PLA2G6: variants seen among roughly 807,000 people sequenced by gnomAD.
PLA2G6 encodes phospholipase A2 group VI, also known as 85/88 kDa calcium-independent phospholipase A2.
PLA2G6 carries 62 observed loss-of-function variants against 83.8 expected under a neutral mutation model. That is an observed-to-expected ratio of 0.74 (90% CI 0.60 to 0.91). PLA2G6 has a LOEUF of 0.91. Ranked by LOEUF, PLA2G6 falls within the 40% of genes least tolerant of loss-of-function variation. The pLI is 0.00. For synonymous variants in PLA2G6, 417 were observed against 449.8 expected (o/e 0.93, Z 0.92); for missense variants, 944 against 1,102.0 (o/e 0.86, Z 2.03).
chr22:38,122,154 T>C (rs2087562681), intron 11 of PLA2G6, among the ~76,000 whole-genome samples: 1 of 151,982 alleles, frequency 6.6e-6, no homozygotes, highest in Admixed American at 6.6e-5. Flanking sequence ...CAGCTCTGCA[T>C]CCCCAGCATC....
At position 38,132,184 on chromosome 22, in the gene PLA2G6, T is replaced by C. The variant is rs969243866; in HGVS notation, c.1077+647A>G. The stretch of plus-strand genomic sequence containing the variant: ...ACGTCCTCCTCTGCTAGGTTTAATA[T>C]GTTCATACTCTAGATGTGTAACCAG... On this transcript the variant is annotated intron_variant, in intron 7 of 16. Coordinates refer to ENST00000332509, the MANE Select transcript of PLA2G6 (RefSeq NM_003560.4). The surrounding 1 kb of genome is among the most constrained non-coding windows in gnomAD (Gnocchi z 5.0). The C allele has an allele frequency of 6.7e-6, 3 of 447,350 alleles. No individual in the cohort carries two copies. Among genetic ancestry groups the C allele is most frequent in the African/African-American group, 2.0e-5 (1 of 49,736 alleles). 27.7% of individuals were successfully genotyped at this position (447,350 alleles called of 1,614,324 possible). A position where few individuals can be genotyped will look rare whatever the true frequency, so the allele number is the denominator to read the frequency against.
In PLA2G6 at chr22:38,112,496, GC is replaced by G; in HGVS notation, c.2276+7del. On this transcript the variant is annotated splice_region_variant and intron_variant, in intron 16 of 16. Transcript: ENST00000332509. ...CGGGGCCAAGGGCTGGGGCGGCTGA[GC>G]CCTCACCTGAAGTACTGGATGCCGA... 6.4e-7 allele frequency: 1 copy of G among 1,552,016 alleles called. No individual in the cohort carries two copies.
intron 2 of PLA2G6, among the ~76,000 whole-genome samples, chr22:38,158,758 T>A (rs2089894331): frequency 6.6e-6 from 1 of 152,240 alleles, no homozygotes; most frequent in South Asian, 2.1e-4. Context: ...AACTGTTTTA[T>A]ATATGTTCCA....
chr22:38,139,478 A>G (rs1057188060), intron 5 of PLA2G6: 1 of 142,908 alleles, frequency 7.0e-6, no homozygotes, highest in African/African-American at 2.5e-5. Context: ...CTTATTGCCC[A>G]GGCTGGAGTG....
Position 38,111,928 on chromosome 22 carries a change from G to A in PLA2G6, c.*233C>T, listed in dbSNP as rs2086889343. On this transcript the variant is annotated 3_prime_UTR_variant, in exon 17 of 17. Transcript: ENST00000332509. ...TTGACAGTCAGGGAAAGGGGCCAAA[G>A]GGGGCTCTAGACTTTCCCAGCCTGG... 1 of 589,794 alleles carries A rather than the reference G, an allele frequency of 1.7e-6. No individual in the cohort carries two copies. Among genetic ancestry groups the A allele is most frequent in the Non-Finnish European group, 3.0e-6 (1 of 329,838 alleles). The allele number at this position is 589,794 out of a possible 1,614,324, so 36.5% of individuals were successfully genotyped here.
chr22:38,165,230 T>C (rs1326854720), intron 2 of PLA2G6, among the ~76,000 whole-genome samples: 1 of 152,216 alleles, frequency 6.6e-6, no homozygotes, highest in Non-Finnish European at 1.5e-5. Flanking sequence ...ATCACATTCA[T>C]TTGTTCCACA....
chr22:38,118,231 G>C (rs970862762), intron 12 of PLA2G6, among the ~76,000 whole-genome samples: 1 of 152,186 alleles, frequency 6.6e-6, no homozygotes, highest in East Asian at 1.9e-4. Context: ...AACGTGGTCA[G>C]GCAGTGTTGA....
intron 1 of PLA2G6, among the ~76,000 whole-genome samples, chr22:38,174,895 C>T (rs553132633): frequency 6.6e-6 from 1 of 152,184 alleles, no homozygotes; most frequent in East Asian, 1.9e-4. Context: ...CAGGGAAGCT[C>T]CTCTCATGAC....
intron 12 of PLA2G6, among the ~76,000 whole-genome samples, chr22:38,118,029 C>G (rs912064797): frequency 7.3e-6 from 1 of 136,334 alleles, no homozygotes; most frequent in Non-Finnish European, 1.6e-5. Context: ...GAGCAAGACT[C>G]CATCTCAAAA....
chr22:38,133,243 T>C, intron 6 of PLA2G6: 1 of 590,458 alleles, frequency 1.7e-6, no homozygotes, highest in Non-Finnish European at 3.0e-6. Context: ...GTGCTGACTG[T>C]TTTAAGAGGC....
chr22:38,132,702 T>G lies in PLA2G6; in HGVS notation c.1077+129A>C. 1.2e-6 allele frequency: 1 copy of G among 867,860 alleles called. No homozygotes were observed. The highest frequency in any genetic ancestry group is 1.8e-6 in the Non-Finnish European group (1 of 558,652). The allele number at this position is 867,860 out of a possible 1,614,324, so 53.8% of individuals were successfully genotyped here. On this transcript the variant is annotated intron_variant, in intron 7 of 16. Coordinates refer to ENST00000332509, the MANE Select transcript of PLA2G6 (RefSeq NM_003560.4). The surrounding 1 kb of genome is among the most constrained non-coding windows in gnomAD (Gnocchi z 5.0). Reference sequence around the variant, plus strand: ...AGGAGTCAGGGTCTGAACTGAGCTTTGGGTGGGAAGATGATTTGGAGCAGC... The same window carrying G: ...AGGAGTCAGGGTCTGAACTGAGCTTGGGGTGGGAAGATGATTTGGAGCAGC...
chr22:38,117,804 G>A (rs1007961884), intron 12 of PLA2G6, among the ~76,000 whole-genome samples: 6 of 152,174 alleles, frequency 3.9e-5, no homozygotes, highest in African/African-American at 9.6e-5. Flanking sequence ...TTGGGAGGCC[G>A]AGGTGGGTGG....
rs121908681 is a variant in PLA2G6 at position 38,120,867 on chromosome 22, T to G, written c.1634A>C (p.Lys545Thr). The G allele has an allele frequency of 1.2e-6, 2 of 1,613,878 alleles. No homozygotes were observed. Among genetic ancestry groups the G allele is most frequent in the South Asian group, 2.2e-5 (2 of 91,092 alleles). The stretch of plus-strand genomic sequence containing the variant: ...CCTGGAGCCCCGGAACACCTCATCC[T>G]TCATGCGAAAGTACATGCCGCGCAT... ...AYMRGMYFRMKDEVFRGSRPY... is the reference protein window; with the variant it reads ...AYMRGMYFRMTDEVFRGSRPY... Residue 545 changes from lysine to threonine, a missense_variant, in exon 12 of 17, where the codon AAG (lysine) becomes ACG (threonine). Transcript: ENST00000332509.
At chr22:38,120,657 G>A in intron 12 of PLA2G6, 102 bp downstream of exon 12, 1 of 1,405,488 alleles carries the variant, frequency 7.1e-7, no homozygotes, top group African/African-American at 1.4e-5. Flanking sequence ...CAAGCGTGGG[G>A]CGCTCTTCCC....
chr22:38,113,475 G>T lies in PLA2G6; in HGVS notation c.2202+12C>A. ...CTGAGGGAAGTGGCCTGGGGGAGGGGCCCACACTCACACAGTCCACCACCA... is the reference window on the plus strand; with the variant it reads ...CTGAGGGAAGTGGCCTGGGGGAGGGTCCCACACTCACACAGTCCACCACCA... On this transcript the variant is annotated intron_variant, in intron 15 of 16. Coordinates refer to ENST00000332509, the MANE Select transcript of PLA2G6 (RefSeq NM_003560.4). 1 of 1,613,376 alleles carries T rather than the reference G, an allele frequency of 6.2e-7. No individual in the cohort carries two copies. Among genetic ancestry groups the T allele is most frequent in the Non-Finnish European group, 8.5e-7 (1 of 1,179,496 alleles).
Position 38,174,053 on chromosome 22 carries a change from AAAAAC to A in PLA2G6, c.-45-4587_-45-4583del, listed in dbSNP as rs1043672940. On this transcript the variant is annotated intron_variant, in intron 1 of 16. Transcript: ENST00000332509. Reference sequence around the variant, plus strand: ...GGGAGACAGAGCAAGACCCTGCCTCAAAAACAAAACAAAACAAAGGGCAAATTAAA... The same window carrying A: ...GGGAGACAGAGCAAGACCCTGCCTCAAAAACAAAACAAAGGGCAAATTAAA... Among the ~76,000 whole-genome samples the A allele has an allele frequency of 9.9e-5, 15 of 152,108 alleles. No individual in the cohort carries two copies. The East Asian group carries it at 1.5e-3, about 16-fold the overall frequency.
In PLA2G6 at chr22:38,114,729, G is replaced by T. The variant is rs113726179; in HGVS notation, c.2034+798C>A. 8.3e-4 allele frequency among the ~76,000 whole-genome samples: 126 copies of T among 152,330 alleles called. 1 individual carries two copies. Among genetic ancestry groups the T allele is most frequent in the African/African-American group, 3.0e-3 (124 of 41,580 alleles). On this transcript the variant is annotated intron_variant, in intron 14 of 16. Transcript: ENST00000332509. ...GCTGCGCTGCCCAGGACGCCCTGGG[G>T]CTTCGGGAAACCACAGCAGCAAGGA... is the stretch of plus-strand genomic sequence containing the variant.
intron 2 of PLA2G6, among the ~76,000 whole-genome samples, chr22:38,159,921 T>C (rs972848973): frequency 6.6e-6 from 1 of 152,154 alleles, no homozygotes; most frequent in South Asian, 2.1e-4. Flanking sequence ...TATCAATAGA[T>C]ACCATTAAAA....
chr22:38,176,808 T>C (rs940179715), intron 1 of PLA2G6, among the ~76,000 whole-genome samples: 2 of 152,000 alleles, frequency 1.3e-5, no homozygotes, highest in Non-Finnish European at 1.5e-5. Context: ...GAGGGTGAGA[T>C]GGGCAGATCA....
Sources: allele counts gnomAD v4.1 joint callset (sites outside exome capture counted in the v4.1 genomes callset), GRCh38; gene constraint gnomAD v4.1.1; non-coding constraint Gnocchi (gnomAD v3.1); transcripts MANE v1.5; gene names NCBI Gene and HGNC (gene_info 2026-07-23, HGNC 2026-07-21).